Variants in NREP observed in about 807,000 individuals in gnomAD.
NREP encodes the protein neuronal regeneration related protein.
NREP carries 5 observed loss-of-function variants against 8.6 expected under a neutral mutation model. The ratio of observed to expected loss-of-function variants is 0.58; its 90% CI spans 0.30 to 1.22. The LOEUF is 1.22. NREP is among the 50% of genes most tolerant of loss of function. The pLI is 0.07. For synonymous variants in NREP, 27 were observed against 28.0 expected, an observed-to-expected ratio of 0.96 and a Z score of 0.11; for missense variants, 86 against 82.5, an observed-to-expected ratio of 1.04 and a Z score of -0.17.
chr5:111,880,223 T>C (rs1754016960), intron 2 of NREP, among the ~76,000 whole-genome samples: 1 of 152,204 alleles, frequency 6.6e-6, no homozygotes, highest in East Asian at 1.9e-4. Flanking sequence ...CTCATTGGGT[T>C]ATGAGAATTA....
At chr5:111,788,049 C>G (rs868058071) in intron 2 of NREP, among the ~76,000 whole-genome samples, 5 of 152,088 alleles carry the variant, frequency 3.3e-5, no homozygotes, top group Non-Finnish European at 5.9e-5. Flanking sequence ...ACCATGATTG[C>G]CACTACCCTC....
exon 1 of NREP, chr5:111,976,745 T>A (rs1205449601): frequency 6.4e-7 from 1 of 1,550,812 alleles, no homozygotes; most frequent in East Asian, 2.4e-5. Context: ...TTCATTCCAG[T>A]CCTGTTACTG....
chr5:111,919,979 C>G (rs898486955), intron 2 of NREP, among the ~76,000 whole-genome samples: 1 of 136,630 alleles, frequency 7.3e-6, no homozygotes, highest in Non-Finnish European at 1.6e-5. Context: ...GAATACCCCC[C>G]CCCCCCACAC....
At chr5:111,961,097 T>G (rs1756467918) in intron 2 of NREP, among the ~76,000 whole-genome samples, 1 of 152,222 alleles carries the variant, frequency 6.6e-6, no homozygotes, top group African/African-American at 2.4e-5. Context: ...CCCTTCCCAC[T>G]TTGCAAGTGA....
intron 2 of NREP, among the ~76,000 whole-genome samples, chr5:111,847,820 A>C (rs540632354): frequency 5.9e-5 from 9 of 152,340 alleles, no homozygotes; most frequent in African/African-American, 2.2e-4. Context: ...AATATAATTC[A>C]AAGTTTTTAT....
intron 2 of NREP, 119 bp from the exon 3 acceptor site, chr5:111,735,626 T>TAG (rs1749035324): frequency 3.0e-6 from 2 of 667,270 alleles, no homozygotes; most frequent in African/African-American, 3.5e-5. Flanking sequence ...GACTACCACT[T>TAG]AGAGCACTGG....
intron 2 of NREP, among the ~76,000 whole-genome samples, chr5:111,767,092 A>G (rs999755031): frequency 6.6e-6 from 1 of 152,220 alleles, no homozygotes; most frequent in Non-Finnish European, 1.5e-5. Context: ...ACATAAACAC[A>G]TCTTCAGGAA....
chr5:111,812,702 T>C, intron 2 of NREP, among the ~76,000 whole-genome samples: 1 of 152,186 alleles, frequency 6.6e-6, no homozygotes, highest in East Asian at 1.9e-4. Flanking sequence ...CCAGATTGTA[T>C]AACTCAAAGA....
intron 2 of NREP, among the ~76,000 whole-genome samples, chr5:111,790,119 T>C (rs914010430): frequency 4.6e-5 from 7 of 152,110 alleles, no homozygotes; most frequent in African/African-American, 1.4e-4. Context: ...CCATAGTTAA[T>C]TCAAAATCAG....
At chr5:111,878,521 C>T (rs1753966792) in intron 2 of NREP, among the ~76,000 whole-genome samples, 1 of 152,196 alleles carries the variant, frequency 6.6e-6, no homozygotes, top group Non-Finnish European at 1.5e-5. Flanking sequence ...TCTCCCTTGA[C>T]ACGTGGGGAT....
intron 2 of NREP, among the ~76,000 whole-genome samples, chr5:111,896,004 T>G (rs1475413813): frequency 6.6e-6 from 1 of 152,142 alleles, no homozygotes; most frequent in African/African-American, 2.4e-5. Context: ...GGTAAAGAGT[T>G]TGGATTTTAT....
At chr5:111,874,087 A>G (rs559470240) in intron 2 of NREP, among the ~76,000 whole-genome samples, 8 of 152,270 alleles carry the variant, frequency 5.3e-5, no homozygotes, top group East Asian at 1.9e-4. Context: ...GATTGGACAC[A>G]TAATTATCCA....
intron 2 of NREP, among the ~76,000 whole-genome samples, chr5:111,764,656 T>C (rs745357205): frequency 2.0e-5 from 3 of 152,212 alleles, no homozygotes; most frequent in Admixed American, 2.0e-4. Flanking sequence ...AGCCAAACTA[T>C]ATCAAAGGTG....
chr5:111,883,921 AG>A (rs1754163007), intron 2 of NREP, among the ~76,000 whole-genome samples: 1 of 152,172 alleles, frequency 6.6e-6, no homozygotes, highest in African/African-American at 2.4e-5. Context: ...GAACTAGAAA[AG>A]CAAGAGCAAA....
chr5:111,898,247 T>C (rs985390293), intron 2 of NREP, among the ~76,000 whole-genome samples: 1 of 152,100 alleles, frequency 6.6e-6, no homozygotes, highest in Middle Eastern at 3.2e-3. Context: ...AAGGAGGCGA[T>C]TGCAGTAATA....
At chr5:111,737,724 A>AAC (rs1554094673) in intron 2 of NREP, among the ~76,000 whole-genome samples, 172 of 150,820 alleles carry the variant, frequency 1.1e-3, no homozygotes, top group African/African-American at 3.7e-3. Context: ...CTAAAAAAAA[A>AAC]AAAAACAAAA....
At chr5:111,803,365 T>C (rs2112906349) in intron 2 of NREP, among the ~76,000 whole-genome samples, 1 of 152,316 alleles carries the variant, frequency 6.6e-6, no homozygotes, top group East Asian at 1.9e-4. Flanking sequence ...TAAATCTAGT[T>C]TGATACAGAG....
At chr5:111,736,439 T>C (rs117283065) in intron 2 of NREP, among the ~76,000 whole-genome samples, 1 of 152,152 alleles carries the variant, frequency 6.6e-6, no homozygotes, top group East Asian at 1.9e-4. Flanking sequence ...TTCTCCAAAT[T>C]CTGCAATAAA....
chr5:111,933,210 A>C (rs1215242663), intron 2 of NREP, among the ~76,000 whole-genome samples: 3 of 152,110 alleles, frequency 2.0e-5, no homozygotes, highest in African/African-American at 7.2e-5. Context: ...CTCCATGCCT[A>C]TGGTTCTCTG....
Sources: gnomAD v4.1 joint callset for allele counts (sites outside exome capture counted in the v4.1 genomes callset) on GRCh38, gnomAD v4.1.1 for gene constraint, MANE v1.5 for transcripts, NCBI Gene and HGNC (gene_info 2026-07-23, HGNC 2026-07-21) for gene names.